BMPR2: variants seen among roughly 807,000 people sequenced by gnomAD.
BMPR2 encodes bone morphogenetic protein receptor type 2, also known as bone morphogenetic protein receptor type-2.
In BMPR2, 29 loss-of-function variants were observed where a neutral mutation model predicts 100.8. That is an observed-to-expected ratio of 0.29 (90% CI 0.21 to 0.39). The LOEUF (loss-of-function observed/expected upper bound fraction) is 0.39, where lower values mean the gene tolerates loss of function less well. Ranked by LOEUF, BMPR2 falls within the 10% of genes least tolerant of loss-of-function variation. The pLI is 1.00. For synonymous variants in BMPR2, 382 were observed against 442.3 expected (o/e 0.86, Z 1.71); for missense variants, 1,011 against 1,274.5 (o/e 0.79, Z 3.15).
intron 1 of BMPR2, among the ~76,000 whole-genome samples, chr2:202,398,935 T>A (rs1690706400): frequency 6.6e-6 from 1 of 152,002 alleles, no homozygotes; most frequent in Non-Finnish European, 1.5e-5. Flanking sequence ...TCGAGATCAG[T>A]GTGATCAACA....
intron 12 of BMPR2, among the ~76,000 whole-genome samples, chr2:202,559,196 A>AGAGGCT (rs985574093): frequency 6.6e-6 from 1 of 150,802 alleles, no homozygotes; most frequent in African/African-American, 2.4e-5. Flanking sequence ...CGGCTACTTG[A>AGAGGCT]GAGGCTGAGG....
chr2:202,488,730 G>C (rs190935452), intron 3 of BMPR2, among the ~76,000 whole-genome samples: 18 of 152,238 alleles, frequency 1.2e-4, no homozygotes, highest in Admixed American at 1.0e-3. Context: ...AGCATGCACA[G>C]AGTTTAACCA....
chr2:202,466,254 T>G (rs1049748958), intron 2 of BMPR2, among the ~76,000 whole-genome samples: 1 of 152,210 alleles, frequency 6.6e-6, no homozygotes, highest in Non-Finnish European at 1.5e-5. Flanking sequence ...CAACACTGTA[T>G]GAACGTGTCT....
rs563180683 is a variant in BMPR2, at chr2:202,490,315, T to C, written c.418+22626T>C. Among the ~76,000 whole-genome samples, 340 of 152,122 alleles carry C rather than the reference T, an allele frequency of 2.2e-3. 1 individual carries two copies. Among genetic ancestry groups the C allele is most frequent in the African/African-American group, 8.0e-3 (330 of 41,482 alleles). ...AGAGTTACCTTCTAAAGTCAAAAGG[T>C]ATGTACACACACACACACACACGAG... On this transcript the variant is annotated intron_variant, in intron 3 of 12. Transcript: ENST00000374580.
At chr2:202,524,122 G>T (rs553891268) in intron 7 of BMPR2, among the ~76,000 whole-genome samples, 4 of 152,086 alleles carry the variant, frequency 2.6e-5, no homozygotes, top group South Asian at 2.1e-4. Context: ...CAGCACTTTG[G>T]GGGGCTGAGG....
intron 10 of BMPR2, among the ~76,000 whole-genome samples, chr2:202,552,441 C>T (rs924705781): frequency 3.7e-4 from 56 of 152,320 alleles, no homozygotes; most frequent in Admixed American, 3.9e-4. Context: ...CAACAATGAC[C>T]TAAACCTGTG....
chr2:202,394,211 G>T (rs1049320463), intron 1 of BMPR2, among the ~76,000 whole-genome samples: 16 of 152,036 alleles, frequency 1.1e-4, no homozygotes, highest in African/African-American at 3.6e-4. Context: ...AGTTAGATGG[G>T]CATGGCGGCA....
chr2:202,454,405 TG>T (rs1692049481), intron 1 of BMPR2, among the ~76,000 whole-genome samples: 1 of 152,206 alleles, frequency 6.6e-6, no homozygotes, highest in Non-Finnish European at 1.5e-5. Context: ...CAGATGCTAC[TG>T]GAATACTAAA....
At chr2:202,411,576 A>G (rs937410907) in intron 1 of BMPR2, among the ~76,000 whole-genome samples, 1 of 152,136 alleles carries the variant, frequency 6.6e-6, no homozygotes, top group African/African-American at 2.4e-5. Flanking sequence ...CAGTTTGATT[A>G]TGTGGTGCCT....
At chr2:202,386,259 T>C (rs1030232441) in intron 1 of BMPR2, among the ~76,000 whole-genome samples, 2 of 152,236 alleles carry the variant, frequency 1.3e-5, no homozygotes, top group Non-Finnish European at 2.9e-5. Context: ...TTCTGTTGCA[T>C]GTAGCCAACT....
intron 1 of BMPR2, among the ~76,000 whole-genome samples, chr2:202,419,143 ATAG>A (rs914906843): frequency 2.6e-5 from 4 of 152,192 alleles, no homozygotes; most frequent in African/African-American, 7.2e-5. Flanking sequence ...GATGGCAAGA[ATAG>A]TAAGATTTCC....
At chr2:202,504,526 G>A (rs978467951) in intron 3 of BMPR2, among the ~76,000 whole-genome samples, 8 of 151,878 alleles carry the variant, frequency 5.3e-5, no homozygotes, top group Non-Finnish European at 1.2e-4. Flanking sequence ...AACTCCAGAC[G>A]CACCACCTGA....
At chr2:202,386,281 G>GT (rs1248350208) in intron 1 of BMPR2, among the ~76,000 whole-genome samples, 1 of 152,034 alleles carries the variant, frequency 6.6e-6, no homozygotes, top group African/African-American at 2.4e-5. Context: ...TGTATCTGTC[G>GT]TATCTACTTG....
At chr2:202,453,869 G>A (rs894994056) in intron 1 of BMPR2, among the ~76,000 whole-genome samples, 2 of 152,074 alleles carry the variant, frequency 1.3e-5, no homozygotes, top group South Asian at 2.1e-4. Flanking sequence ...GGATGCATAT[G>A]CCATTTACCC....
chr2:202,380,108 C>T (rs547955680), intron 1 of BMPR2, among the ~76,000 whole-genome samples: 94 of 151,782 alleles, frequency 6.2e-4, no homozygotes, highest in Non-Finnish European at 6.0e-4. Context: ...CCTCGTGATC[C>T]ACCTGCCTCG....
intron 1 of BMPR2, among the ~76,000 whole-genome samples, chr2:202,390,423 C>T (rs1294318021): frequency 6.6e-6 from 1 of 151,652 alleles, no homozygotes; most frequent in Non-Finnish European, 1.5e-5. Flanking sequence ...ACCTCTGCCT[C>T]CCAGGTTCAA....
rs1161944548 is a variant in BMPR2, at chr2:202,385,361, C to CTTTT, written c.76+7830_76+7833dup. 1.2e-3 allele frequency among the ~76,000 whole-genome samples: 107 copies of CTTTT among 86,316 alleles called. 5 individuals carry two copies. The highest frequency in any genetic ancestry group is 3.0e-3 in the African/African-American group (61 of 20,470). 56.6% of individuals were successfully genotyped at this position (86,316 alleles called of 152,430 possible). ...TTTTCTTCTAATTAAAAAAAAGATG[C>CTTTT]TTTTTTTTTTTTTTTTTTTTTTGAG... On this transcript the variant is annotated intron_variant, in intron 1 of 12. Transcript: ENST00000374580.
intron 7 of BMPR2, among the ~76,000 whole-genome samples, chr2:202,521,585 T>C (rs1276927202): frequency 6.6e-6 from 1 of 150,486 alleles, no homozygotes; most frequent in South Asian, 2.1e-4. Context: ...AAAGCAAATG[T>C]GAACTGGAAC....
chr2:202,447,265 C>T (rs772355371), intron 1 of BMPR2, among the ~76,000 whole-genome samples: 40 of 150,460 alleles, frequency 2.7e-4, no homozygotes, highest in Non-Finnish European at 5.1e-4. Flanking sequence ...TCCAAGATTT[C>T]GCCACTACCC....
Sources: gnomAD v4.1 joint callset for allele counts (sites outside exome capture counted in the v4.1 genomes callset) on GRCh38, gnomAD v4.1.1 for gene constraint, MANE v1.5 for transcripts, NCBI Gene and HGNC (gene_info 2026-07-23, HGNC 2026-07-21) for gene names.